PSIP1: variants seen among roughly 807,000 people sequenced by gnomAD.
PSIP1 encodes PC4 and SFRS1-interacting protein.
Under a neutral mutation model 74.7 loss-of-function variants are expected in PSIP1, and 19 were observed. That is an observed-to-expected ratio of 0.25 (90% CI 0.18 to 0.37). The LOEUF is 0.37. PSIP1 is among the 10% of genes least tolerant of loss of function. The pLI is 1.00. For synonymous variants in PSIP1, 222 were observed against 195.3 expected (o/e 1.14, Z -1.14); for missense variants, 601 against 614.3 (o/e 0.98, Z 0.23).
intron 2 of PSIP1, among the ~76,000 whole-genome samples, chr9:15,508,919 A>C (rs1472450415): frequency 6.6e-6 from 1 of 152,236 alleles, no homozygotes; most frequent in African/African-American, 2.4e-5. Context: ...ATGACTAAGG[A>C]TTGTTCAAGT....
At chr9:15,466,944 T>C in intron 14 of PSIP1, 85 bp from the exon 15 acceptor site, 1 of 960,168 alleles carries the variant, frequency 1.0e-6, no homozygotes, top group Non-Finnish European at 1.6e-6. Flanking sequence ...AGAATCAAAA[T>C]ACAACATGGC....
chr9:15,477,044 C>T (rs899796388), intron 8 of PSIP1, among the ~76,000 whole-genome samples: 8 of 152,102 alleles, frequency 5.3e-5, no homozygotes, highest in Non-Finnish European at 1.0e-4. Flanking sequence ...AAAACTGGGA[C>T]CTAATTAGGG....
At position 15,466,774 on chromosome 9, in the gene PSIP1, G is replaced by T; in HGVS notation, c.1506C>A (p.Asp502Glu). 1 of 1,612,372 alleles carries T rather than the reference G, an allele frequency of 6.2e-7. No homozygotes were observed. The highest frequency in any genetic ancestry group is 8.5e-7 in the Non-Finnish European group (1 of 1,179,524). The stretch of plus-strand genomic sequence containing the variant: ...TTTTCTTCGTGCTGGCTTCATGGTT[G>T]TCTTTGCTGTCTTCATTGCTCTCCC... ...HNGESNEDSKDNHEASTKKKP... is the reference protein window; with the variant it reads ...HNGESNEDSKENHEASTKKKP... The change falls in exon 15 of 16, where the codon GAC becomes GAA. Residue 502 changes from aspartate (D) to glutamate (E), a missense_variant. Around this residue, in one of 2 missense-constraint regions of PSIP1, gnomAD observed 538 missense variants for 507.6 expected, o/e 1.06. Transcript: ENST00000380733.
In PSIP1 at chr9:15,486,038, G is replaced by A; in HGVS notation, c.424C>T (p.Pro142Ser). ...DVTKAVDITT[P>S]KAARRGRKRK... ...TTTCTCCCCCTTCTGGCAGCTTTTG[G>A]AGTAGTTATGTCAACTGCTTTAGTC... is the stretch of plus-strand genomic sequence containing the variant. The change falls in exon 6 of 16, where the codon CCA becomes TCA. Residue 142 changes from proline to serine, a missense_variant. Physicochemically the swap from Pro to Ser is moderately conservative, Grantham distance 74 (BLOSUM62 -1). Coordinates refer to ENST00000380733, the MANE Select transcript of PSIP1 (RefSeq NM_033222.5). 6.2e-7 allele frequency: 1 copy of A among 1,609,656 alleles called. No individual in the cohort carries two copies. Among genetic ancestry groups the A allele is most frequent in the East Asian group, 2.2e-5 (1 of 44,776 alleles).
In PSIP1 at chr9:15,466,857, A is replaced by G; in HGVS notation, c.1423T>C (p.Ser475Pro). The G allele has an allele frequency of 6.2e-7, 1 of 1,609,316 alleles. No homozygotes were observed. The highest frequency in any genetic ancestry group is 1.1e-5 in the South Asian group (1 of 89,984). Residue 475 changes from serine to proline, a missense_variant and splice_region_variant, in exon 15 of 16, where the codon TCA becomes CCA. By Grantham distance (74) the Ser-to-Pro change is moderately conservative. Coordinates refer to ENST00000380733, the MANE Select transcript of PSIP1 (RefSeq NM_033222.5). ...NKKLEKEQTG[S>P]KTLNGGSDAQ... ...TCAGATCCTCCATTTAGAGTCTTTG[A>G]CCCTTGCGAAGGAATCCAATGGAAA...
intron 3 of PSIP1, among the ~76,000 whole-genome samples, chr9:15,500,962 G>C (rs1266073298): frequency 5.9e-5 from 9 of 152,056 alleles, no homozygotes; most frequent in African/African-American, 1.9e-4. Flanking sequence ...CACAACTCTT[G>C]TTCCCAAAAT....
At position 15,489,986 on chromosome 9, in the gene PSIP1, C is replaced by T. The variant is rs1330726042; in HGVS notation, c.288G>A (p.Gln96=). 6.4e-7 allele frequency: 1 copy of T among 1,563,762 alleles called. No individual in the cohort carries two copies. Among genetic ancestry groups the T allele is most frequent in the Non-Finnish European group, 8.7e-7 (1 of 1,154,788 alleles). ...NNPKVKFSSQ[Q]AATKQSNASS... is the part of the protein sequence containing the mutation. ...TCAAATTTTATGTAATATGACTTAC[C>T]TGTTGACTTGAAAATTTCACTTTTG... The change falls in exon 4 of 16, where the codon CAG becomes CAA. Residue 96 remains glutamine (Q), a splice_region_variant and synonymous_variant. Transcript: ENST00000380733.
At chr9:15,468,139 AAAG>A (rs965382361) in intron 14 of PSIP1, among the ~76,000 whole-genome samples, 2 of 151,914 alleles carry the variant, frequency 1.3e-5, no homozygotes, top group African/African-American at 2.4e-5. Context: ...AAAAAAAAAA[AAAG>A]GACATGGCAT....
At chr9:15,505,680 A>C (rs890238623) in intron 3 of PSIP1, 2 of 151,234 alleles carry the variant, frequency 1.3e-5, no homozygotes, top group African/African-American at 2.4e-5. Flanking sequence ...AATATACTAA[A>C]ATCTATTGAA....
intron 2 of PSIP1, 31 bp downstream of exon 2, chr9:15,510,086 C>G (rs764122097): frequency 7.5e-6 from 12 of 1,594,510 alleles, no homozygotes; most frequent in South Asian, 4.5e-5. Flanking sequence ...GAGGGTAGCA[C>G]TGCTAAGCGC....
At chr9:15,504,503 C>G (rs973023525) in intron 3 of PSIP1, among the ~76,000 whole-genome samples, 1 of 151,908 alleles carries the variant, frequency 6.6e-6, no homozygotes. Context: ...TTTAGGAGGC[C>G]GAGGTGGGCA....
chr9:15,491,520 A>G (rs144424960), intron 3 of PSIP1, among the ~76,000 whole-genome samples: 4 of 152,352 alleles, frequency 2.6e-5, no homozygotes, highest in East Asian at 3.9e-4. Context: ...TATGGAATCC[A>G]CAAATAACGA....
intron 4 of PSIP1, among the ~76,000 whole-genome samples, chr9:15,488,029 G>A (rs1424088164): frequency 6.6e-6 from 1 of 152,030 alleles, no homozygotes; most frequent in Non-Finnish European, 1.5e-5. Flanking sequence ...AAAATTTATC[G>A]GTTTAAAAGT....
intron 3 of PSIP1, among the ~76,000 whole-genome samples, chr9:15,496,256 A>G (rs2037069448): frequency 6.6e-6 from 1 of 152,238 alleles, no homozygotes; most frequent in South Asian, 2.1e-4. Context: ...TAGCTAAGTC[A>G]TGGCAATTGA....
intron 6 of PSIP1, among the ~76,000 whole-genome samples, chr9:15,484,047 G>A (rs1208979197): frequency 3.3e-5 from 5 of 150,220 alleles, no homozygotes; most frequent in Admixed American, 1.3e-4. Flanking sequence ...CAGGAGAATC[G>A]CTTGAACCCG....
intron 3 of PSIP1, among the ~76,000 whole-genome samples, chr9:15,502,996 G>T (rs1246608994): frequency 6.6e-6 from 1 of 152,148 alleles, no homozygotes; most frequent in African/African-American, 2.4e-5. Context: ...AACCAGTTAC[G>T]AATTAGTACA....
At chr9:15,469,134 C>CAAAAAA in intron 12 of PSIP1, 76 bp from the exon 13 acceptor site, 1 of 1,404,086 alleles carries the variant, frequency 7.1e-7, no homozygotes, top group Non-Finnish European at 9.7e-7. Context: ...AGATCGTTTC[C>CAAAAAA]AAAAAAAAAG....
chr9:15,472,269 T>G, intron 10 of PSIP1: 1 of 1,001,000 alleles, frequency 1.0e-6, no homozygotes, highest in Non-Finnish European at 1.2e-6. Flanking sequence ...AATAAGGGCA[T>G]TTCCTGCATT....
In PSIP1 at chr9:15,465,493, T is replaced by G; in HGVS notation, c.*27A>C. On this transcript the variant is annotated 3_prime_UTR_variant, in exon 16 of 16. Coordinates refer to ENST00000380733, the MANE Select transcript of PSIP1 (RefSeq NM_033222.5). ...TGAAAACCATTACAAACTTCTCAAGTGTTCTCTATATTCCAGGTATGTCAA... is the reference window on the plus strand; with the variant it reads ...TGAAAACCATTACAAACTTCTCAAGGGTTCTCTATATTCCAGGTATGTCAA... The G allele has an allele frequency of 6.7e-7, 1 of 1,494,626 alleles. No individual in the cohort carries two copies. The highest frequency in any genetic ancestry group is 9.2e-7 in the Non-Finnish European group (1 of 1,091,360). The allele number at this position is 1,494,626 out of a possible 1,614,324, so 92.6% of individuals were successfully genotyped here. A position where few individuals can be genotyped will look rare whatever the true frequency, so the allele number is the denominator to read the frequency against.
Sources: allele counts gnomAD v4.1 joint callset (sites outside exome capture counted in the v4.1 genomes callset), GRCh38; gene constraint gnomAD v4.1.1; regional missense constraint gnomAD v4.1.1; transcripts MANE v1.5; gene names NCBI Gene and HGNC (gene_info 2026-07-23, HGNC 2026-07-21).